Variants in ANKRD11 observed in about 807,000 individuals in gnomAD.
ANKRD11 encodes ankyrin repeat domain 11, also known as ankyrin repeat domain-containing protein 11.
In ANKRD11, 17 loss-of-function variants were observed where a neutral mutation model predicts 195.7. The ratio of observed to expected loss-of-function variants is 0.09; its 90% confidence interval spans 0.06 to 0.13. The LOEUF is 0.13. Among genes scored for constraint, ANKRD11 ranks in the 10% least tolerant of loss-of-function variants. ANKRD11 has a pLI of 1.00. For missense variants in ANKRD11, 3,735 were observed against 3,566.1 expected (o/e 1.05, Z -1.21); for synonymous variants, 1,953 against 1,528.1 (o/e 1.28, Z -6.49).
At chr16:89,467,298 T>G (rs1233088116) in intron 1 of ANKRD11, among the ~76,000 whole-genome samples, 1 of 150,486 alleles carries the variant, frequency 6.6e-6, no homozygotes, top group Non-Finnish European at 1.5e-5. Context: ...ATTAGCTGGC[T>G]GGGTATGGTG....
chr16:89,271,252 T>A, intron 11 of ANKRD11: 1 of 364,476 alleles, frequency 2.7e-6, no homozygotes. Context: ...TTTTTTTTTT[T>A]TTAAGAGACA....
chr16:89,486,649 G>A (rs150919642), intron 1 of ANKRD11, among the ~76,000 whole-genome samples: 1 of 152,204 alleles, frequency 6.6e-6, no homozygotes, highest in East Asian at 1.9e-4. Flanking sequence ...CTTGGGGCAG[G>A]GTCAAGAATG....
intron 11 of ANKRD11, 106 bp from the exon 12 acceptor site, chr16:89,271,015 C>A (rs2151676799): frequency 9.9e-7 from 1 of 1,010,764 alleles, no homozygotes; most frequent in Non-Finnish European, 1.5e-6. Context: ...GGGACAACCA[C>A]AGGGGGAGCC....
chr16:89,406,332 C>T (rs1227490012), intron 2 of ANKRD11, among the ~76,000 whole-genome samples: 1 of 152,090 alleles, frequency 6.6e-6, no homozygotes, highest in African/African-American at 2.4e-5. Context: ...TGCCAGGTCA[C>T]GGCGGGCACG....
chr16:89,425,316 CA>C (rs1434094877), intron 1 of ANKRD11, among the ~76,000 whole-genome samples: 3 of 152,140 alleles, frequency 2.0e-5, no homozygotes, highest in Non-Finnish European at 4.4e-5. Flanking sequence ...CCAGTGCCCA[CA>C]CTCTTCACCA....
intron 1 of ANKRD11, among the ~76,000 whole-genome samples, chr16:89,423,327 C>G (rs1440997868): frequency 6.6e-6 from 1 of 152,262 alleles, no homozygotes; most frequent in Non-Finnish European, 1.5e-5. Flanking sequence ...CACTGGCTGA[C>G]TAACCAGCAC....
At chr16:89,476,066 AG>A (rs1380063311) in intron 1 of ANKRD11, among the ~76,000 whole-genome samples, 2 of 151,734 alleles carry the variant, frequency 1.3e-5, no homozygotes, top group African/African-American at 4.8e-5. Context: ...AAAAAAAAAA[AG>A]AAAAAGAAAA....
At chr16:89,313,014 C>T (rs897387655) in intron 3 of ANKRD11, among the ~76,000 whole-genome samples, 1 of 152,170 alleles carries the variant, frequency 6.6e-6, no homozygotes, top group Non-Finnish European at 1.5e-5. Context: ...CTCACATGCT[C>T]AGTTCTCAAC....
chr16:89,290,803 G>A lies in ANKRD11; in HGVS notation c.423C>T (p.Ser141=). 1 of 1,613,944 alleles carries A rather than the reference G, an allele frequency of 6.2e-7. No individual in the cohort carries two copies. Among genetic ancestry groups the A allele is most frequent in the South Asian group, 1.1e-5 (1 of 91,074 alleles). ...SPVDTTPKHP[S]QSTVCQKGTP... Reference sequence around the variant, plus strand: ...TTCCCTTCTGACACACTGTAGACTGGGAGGGGTGCTTTGGTGTTGTGTCCA... The same window carrying A: ...TTCCCTTCTGACACACTGTAGACTGAGAGGGGTGCTTTGGTGTTGTGTCCA... Residue 141 remains serine, a synonymous_variant, in exon 6 of 13, where the codon TCC becomes TCT. Transcript: ENST00000301030.
chr16:89,303,816 C>G (rs1361784023), intron 4 of ANKRD11, among the ~76,000 whole-genome samples: 6 of 151,958 alleles, frequency 3.9e-5, no homozygotes, highest in Non-Finnish European at 8.8e-5. Context: ...GGTGTGGATC[C>G]TCTTTACTGG....
chr16:89,324,239 C>T (rs2037551846), intron 2 of ANKRD11: 4 of 1,204,156 alleles, frequency 3.3e-6, no homozygotes, highest in African/African-American at 1.6e-5. Flanking sequence ...CCCTCAGACA[C>T]ATGCTTGGTC....
rs1186847763 is a variant in ANKRD11 at position 89,291,071 on chromosome 16, C to T, written c.339G>A (p.Glu113=). 6.2e-7 allele frequency: 1 copy of T among 1,613,518 alleles called. No homozygotes were observed. The highest frequency in any genetic ancestry group is 1.3e-5 in the African/African-American group (1 of 75,040). Residue 113 remains glutamate, a synonymous_variant, in exon 5 of 13, where the codon GAG becomes GAA. Coordinates refer to ENST00000301030, the MANE Select transcript of ANKRD11 (RefSeq NM_013275.6). The surrounding 1 kb of genome is among the most constrained non-coding windows in gnomAD (Gnocchi z 5.3). The part of the protein sequence containing the change: ...SGIRAGYPLS[E]RQQVALLMQM... ...GCATGAGAAGGGCCACCTGCTGGCG[C>T]TCGGAGAGGGGGTAGCCGGCTCGGA...
At chr16:89,358,436 A>G (rs543320790) in intron 2 of ANKRD11, among the ~76,000 whole-genome samples, 40 of 152,342 alleles carry the variant, frequency 2.6e-4, no homozygotes, top group African/African-American at 9.6e-4. Flanking sequence ...ACTGGTACTC[A>G]ATTTCCAGGT....
At chr16:89,419,553 A>G (rs2042430424) in intron 1 of ANKRD11, among the ~76,000 whole-genome samples, 1 of 152,076 alleles carries the variant, frequency 6.6e-6, no homozygotes, top group Admixed American at 6.5e-5. Context: ...GGGGAAAAAA[A>G]ATCTATACCC....
At chr16:89,385,076 A>C (rs1358838885) in intron 2 of ANKRD11, among the ~76,000 whole-genome samples, 1 of 151,248 alleles carries the variant, frequency 6.6e-6, no homozygotes, top group Non-Finnish European at 1.5e-5. Context: ...AGTAGAGACG[A>C]TATTTCACCA....
intron 1 of ANKRD11, among the ~76,000 whole-genome samples, chr16:89,457,337 G>A (rs892361531): frequency 1.5e-4 from 22 of 150,926 alleles, no homozygotes; most frequent in African/African-American, 5.3e-4. Flanking sequence ...AGTGGCTCAC[G>A]CCTGTAATCT....
intron 2 of ANKRD11, among the ~76,000 whole-genome samples, chr16:89,364,904 G>C (rs890441290): frequency 6.6e-6 from 1 of 152,180 alleles, no homozygotes; most frequent in Admixed American, 6.5e-5. Context: ...AAGCCTCATC[G>C]AATGCTGAAT....
At chr16:89,337,248 C>T (rs1199993193) in intron 2 of ANKRD11, among the ~76,000 whole-genome samples, 1 of 151,582 alleles carries the variant, frequency 6.6e-6, no homozygotes, top group Non-Finnish European at 1.5e-5. Flanking sequence ...TGGAGGAAGC[C>T]CCATGCCCAA....
chr16:89,428,312 T>C (rs1226338314), intron 1 of ANKRD11, among the ~76,000 whole-genome samples: 4 of 151,988 alleles, frequency 2.6e-5, no homozygotes, highest in Non-Finnish European at 5.9e-5. Context: ...GATCAGAAGG[T>C]CAGGAGATCG....
Sources: gnomAD v4.1 joint callset for allele counts (sites outside exome capture counted in the v4.1 genomes callset) on GRCh38, gnomAD v4.1.1 for gene constraint, Gnocchi (gnomAD v3.1) non-coding constraint, MANE v1.5 for transcripts, NCBI Gene and HGNC (gene_info 2026-07-23, HGNC 2026-07-21) for gene names.